Variants in BMPER observed in about 807,000 individuals in gnomAD.
BMPER encodes the protein BMP binding endothelial regulator, also known as BMP-binding endothelial regulator protein.
Under a neutral mutation model 87.3 loss-of-function variants are expected in BMPER, and 45 were observed. The observed-to-expected ratio is 0.52, with a 90% CI of 0.41 to 0.66. The LOEUF (loss-of-function observed/expected upper bound fraction) is 0.66. BMPER is among the 30% of genes least tolerant of loss of function. The pLI is 0.00. For missense variants in BMPER, 784 were observed against 867.5 expected, an observed-to-expected ratio of 0.90 and a Z score of 1.21; for synonymous variants, 326 against 316.2, an observed-to-expected ratio of 1.03 and a Z score of -0.33.
At chr7:33,985,239 T>C (rs1227711472) in intron 6 of BMPER, among the ~76,000 whole-genome samples, 1 of 152,266 alleles carries the variant, frequency 6.6e-6, no homozygotes, top group African/African-American at 2.4e-5. Flanking sequence ...ATATATTTCC[T>C]TCTAACTTTT....
At chr7:33,975,063 G>A (rs1053618787) in intron 6 of BMPER, among the ~76,000 whole-genome samples, 2 of 152,142 alleles carry the variant, frequency 1.3e-5, no homozygotes, top group Non-Finnish European at 2.9e-5. Context: ...AACCCCTCCA[G>A]CTATATCACC....
chr7:34,030,341 A>G (rs1341484777), intron 6 of BMPER, among the ~76,000 whole-genome samples: 1 of 152,158 alleles, frequency 6.6e-6, no homozygotes, highest in Non-Finnish European at 1.5e-5. Context: ...GTTTCCCTTT[A>G]TATCACACCA....
intron 11 of BMPER, among the ~76,000 whole-genome samples, chr7:34,077,151 G>A (rs1370548597): frequency 6.6e-6 from 1 of 152,152 alleles, no homozygotes; most frequent in Non-Finnish European, 1.5e-5. Flanking sequence ...TCATGGCCAG[G>A]GAGAGATTCC....
intron 2 of BMPER, among the ~76,000 whole-genome samples, chr7:33,914,449 G>C (rs1435227266): frequency 6.6e-6 from 1 of 152,116 alleles, no homozygotes; most frequent in Non-Finnish European, 1.5e-5. Flanking sequence ...ATTTTGAGAA[G>C]TCTGGCCAAT....
intron 6 of BMPER, among the ~76,000 whole-genome samples, chr7:34,000,000 T>C (rs1786535529): frequency 6.6e-6 from 1 of 152,228 alleles, no homozygotes. Context: ...GTTTTATATT[T>C]GTCTGTCACA....
In BMPER at chr7:34,153,459, T is replaced by C; in HGVS notation, c.*186T>C. The C allele has an allele frequency of 1.6e-6, 1 of 632,274 alleles. No homozygotes were observed. Among genetic ancestry groups the C allele is most frequent in the Non-Finnish European group, 2.7e-6 (1 of 374,726 alleles). The allele number at this position is 632,274 out of a possible 1,614,324, so 39.2% of individuals were successfully genotyped here. On this transcript the variant is annotated 3_prime_UTR_variant, in exon 15 of 15. Transcript: ENST00000649409. ...ATTTATATGAACTATAGGGGGATTA[T>C]TATATGTATATTTTTTGCTATAAGA...
intron 8 of BMPER, among the ~76,000 whole-genome samples, chr7:34,053,442 T>C (rs1414929113): frequency 6.6e-6 from 1 of 152,168 alleles, no homozygotes; most frequent in Non-Finnish European, 1.5e-5. Flanking sequence ...TGCCGGGGCA[T>C]TGATTCCCTG....
chr7:34,062,657 C>A (rs561128740), intron 11 of BMPER, among the ~76,000 whole-genome samples: 1 of 152,204 alleles, frequency 6.6e-6, no homozygotes, highest in South Asian at 2.1e-4. Flanking sequence ...TCATAGAGTG[C>A]ACTTACACAA....
At chr7:34,142,895 G>C (rs1164408912) in intron 13 of BMPER, among the ~76,000 whole-genome samples, 1 of 152,182 alleles carries the variant, frequency 6.6e-6, no homozygotes, top group Non-Finnish European at 1.5e-5. Context: ...TTAGAAACTT[G>C]GTTCCTCCAT....
At chr7:34,004,255 C>CT (rs1189214884) in intron 6 of BMPER, among the ~76,000 whole-genome samples, 2 of 151,942 alleles carry the variant, frequency 1.3e-5, no homozygotes, top group Non-Finnish European at 2.9e-5. Context: ...CTTTTTGATG[C>CT]TTTTTTATTG....
At chr7:34,013,421 C>A (rs1786934821) in intron 6 of BMPER, among the ~76,000 whole-genome samples, 1 of 151,672 alleles carries the variant, frequency 6.6e-6, no homozygotes, top group Admixed American at 6.6e-5. Context: ...GCGAAGGCGT[C>A]CTAACCAGTC....
rs568526162 is a variant in BMPER, at chr7:33,932,655, C to A, written c.220-4634C>A. Among the ~76,000 whole-genome samples, 7 of 152,260 alleles carry A rather than the reference C, an allele frequency of 4.6e-5. No homozygotes were observed. The East Asian group carries it at 1.4e-3, about 29-fold the overall frequency. On this transcript the variant is annotated intron_variant, in intron 2 of 14. Coordinates refer to ENST00000649409, the MANE Select transcript of BMPER (RefSeq NM_001365308.1). ...TCATAGTCTAAAAATAAAGGATCCG[C>A]CCGCAGACATTTCTCCCTCCACTAC... is the stretch of plus-strand genomic sequence containing the variant.
intron 14 of BMPER, among the ~76,000 whole-genome samples, chr7:34,149,800 G>A (rs1473869224): frequency 1.3e-5 from 2 of 149,574 alleles, no homozygotes; most frequent in African/African-American, 2.5e-5. Context: ...AACTTTGGAG[G>A]GAACTGCTTC....
At chr7:33,988,770 C>G (rs1201718156) in intron 6 of BMPER, among the ~76,000 whole-genome samples, 2 of 110,496 alleles carry the variant, frequency 1.8e-5, no homozygotes, top group Non-Finnish European at 3.5e-5. Flanking sequence ...CCCCCCTCCC[C>G]CCACCCCACA....
At chr7:33,924,497 C>T (rs554393323) in intron 2 of BMPER, among the ~76,000 whole-genome samples, 6 of 152,310 alleles carry the variant, frequency 3.9e-5, no homozygotes, top group South Asian at 2.1e-4. Flanking sequence ...TCCAGCTGCG[C>T]GCTGTGCTCC....
intron 6 of BMPER, among the ~76,000 whole-genome samples, chr7:33,991,173 A>T (rs1414560805): frequency 1.3e-5 from 2 of 149,108 alleles, no homozygotes; most frequent in Non-Finnish European, 3.0e-5. Flanking sequence ...ATTGATTGGA[A>T]TAGTTTCAGA....
chr7:34,055,921 G>A (rs921525213), intron 9 of BMPER, among the ~76,000 whole-genome samples: 1 of 152,182 alleles, frequency 6.6e-6, no homozygotes, highest in Non-Finnish European at 1.5e-5. Flanking sequence ...AAGATGGTTG[G>A]CTTTGTCCAA....
chr7:34,123,020 A>G lies in BMPER; in HGVS notation c.1746-20210A>G, dbSNP rs540436252. On this transcript the variant is annotated intron_variant, in intron 13 of 14. Coordinates refer to ENST00000649409, the MANE Select transcript of BMPER (RefSeq NM_001365308.1). Reference sequence around the variant, plus strand: ...TTTTAAGAACTCTATATCAGCCAGCATTTCTAAAGTGAACTAAAATTATTT... The same window carrying G: ...TTTTAAGAACTCTATATCAGCCAGCGTTTCTAAAGTGAACTAAAATTATTT... Among the ~76,000 whole-genome samples, 5 of 152,308 alleles carry G rather than the reference A, an allele frequency of 3.3e-5. No individual in the cohort carries two copies. The East Asian group carries it at 9.6e-4, about 29-fold the overall frequency.
intron 13 of BMPER, among the ~76,000 whole-genome samples, chr7:34,091,050 A>G (rs992886909): frequency 1.8e-4 from 27 of 152,064 alleles, no homozygotes; most frequent in Admixed American, 5.2e-4. Flanking sequence ...AGGAGGTGGG[A>G]GGTCGTGCGG....
Sources: allele counts gnomAD v4.1 joint callset (sites outside exome capture counted in the v4.1 genomes callset), GRCh38; gene constraint gnomAD v4.1.1; transcripts MANE v1.5; gene names NCBI Gene and HGNC (gene_info 2026-07-23, HGNC 2026-07-21).